The following CCPG1 variants were observed in gnomAD, a reference collection of about 807,000 sequenced individuals.
CCPG1 encodes the protein cell cycle progression protein 1.
A neutral mutation model predicts 81.3 loss-of-function variants in CCPG1; 46 were observed. The observed-to-expected ratio is 0.57, with a 90% CI of 0.45 to 0.72. The LOEUF (loss-of-function observed/expected upper bound fraction) is 0.72. CCPG1 is among the 30% of genes least tolerant of loss of function. The pLI, the probability that CCPG1 is intolerant of heterozygous loss-of-function variation, is 0.00. For synonymous variants in CCPG1, 330 were observed against 305.2 expected (o/e 1.08, Z -0.85); for missense variants, 902 against 937.6 (o/e 0.96, Z 0.50).
At chr15:55,366,028 G>C (rs1245093387) in intron 6 of CCPG1, among the ~76,000 whole-genome samples, 1 of 152,118 alleles carries the variant, frequency 6.6e-6, no homozygotes, top group Non-Finnish European at 1.5e-5. Context: ...ATATAAGTAA[G>C]GCCAAGTAGG....
At position 55,356,880 on chromosome 15, in the gene CCPG1, A is replaced by C. The variant is rs59563514; in HGVS notation, c.2235-471T>G. The C allele has an allele frequency of 2.1e-3, 2,030 of 985,992 alleles. 32 individuals carry two copies. In the African/African-American group the frequency reaches 0.033, roughly 16 times the overall value. The allele number at this position is 985,992 out of a possible 1,614,324, so 61.1% of individuals were successfully genotyped here. On this transcript the variant is annotated intron_variant, in intron 8 of 8. Transcript: ENST00000442196. Reference sequence around the variant, plus strand: ...ATGATCAGGCTTCCGTCACTACTTCACTGGAAGTCCATACTGTCATCCCCT... The same window carrying C: ...ATGATCAGGCTTCCGTCACTACTTCCCTGGAAGTCCATACTGTCATCCCCT...
At chr15:55,358,585 A>T (rs2056129500) in intron 8 of CCPG1, 1 of 985,246 alleles carries the variant, frequency 1.0e-6, no homozygotes, top group African/African-American at 1.7e-5. Flanking sequence ...TGCATAGCAA[A>T]TCCTCATTTC....
rs143340449 is a variant in CCPG1, at chr15:55,375,293, T to C, written c.454+1656A>G. On this transcript the variant is annotated intron_variant, in intron 5 of 8. Transcript: ENST00000442196. ...AACAGTATGTAGTTCCTTTTACGTC[T>C]ATGTCAGTTTCTTATATATCTGACC... 2.1e-3 allele frequency among the ~76,000 whole-genome samples: 316 copies of C among 152,336 alleles called. 1 individual carries two copies. The highest frequency in any genetic ancestry group is 7.3e-3 in the African/African-American group (304 of 41,580).
At chr15:55,398,936 T>C (rs58581371) in intron 1 of CCPG1, among the ~76,000 whole-genome samples, 26,964 of 152,106 alleles carry the variant, frequency 0.18, 4,120 homozygotes, top group African/African-American at 0.42. Flanking sequence ...ATATTTTAAA[T>C]GAGCCTATCC....
intron 2 of CCPG1, among the ~76,000 whole-genome samples, chr15:55,387,828 G>A (rs531986545): frequency 0.03 from 7 of 232 alleles, no homozygotes; most frequent in Admixed American, 0.17. Context: ...TTACAGGCGT[G>A]AGCACCACGC....
At chr15:55,379,018 A>C (rs1234243986) in intron 3 of CCPG1, among the ~76,000 whole-genome samples, 1 of 152,036 alleles carries the variant, frequency 6.6e-6, no homozygotes, top group African/African-American at 2.4e-5. Context: ...CTATCATTAG[A>C]TACCTAGTGA....
In CCPG1 at chr15:55,364,803, G is replaced by A. The variant is rs1348897198; in HGVS notation, c.828+385C>T. ...CACAAGAATCGCTTGAACCCAGGAGGTGGAAGTTGCAGCAACCTGAGGTTG... is the reference window on the plus strand; with the variant it reads ...CACAAGAATCGCTTGAACCCAGGAGATGGAAGTTGCAGCAACCTGAGGTTG... On this transcript the variant is annotated intron_variant, in intron 7 of 8. Coordinates refer to ENST00000442196, the MANE Select transcript of CCPG1 (RefSeq NM_001204450.2). 2.0e-5 allele frequency among the ~76,000 whole-genome samples: 3 copies of A among 151,270 alleles called. 1 individual carries two copies. The highest frequency in any genetic ancestry group is 4.0e-4 in the East Asian group (2 of 5,014).
intron 2 of CCPG1, among the ~76,000 whole-genome samples, 176 bp from the exon 3 acceptor site, chr15:55,385,890 G>A (rs888751919): frequency 1.2e-4 from 18 of 152,116 alleles, no homozygotes; most frequent in Non-Finnish European, 1.6e-4. Context: ...CCTATGGCAG[G>A]AAAATGGCAC....
At position 55,389,978 on chromosome 15, in the gene CCPG1, C is replaced by T. The variant is rs760869766; in HGVS notation, c.-9-545G>A. Among the ~76,000 whole-genome samples, 10 of 152,336 alleles carry T rather than the reference C, an allele frequency of 6.6e-5. No homozygotes were observed. In the East Asian group the frequency reaches 7.7e-4, roughly 12 times the overall value. On this transcript the variant is annotated intron_variant, in intron 1 of 8. Coordinates refer to ENST00000442196, the MANE Select transcript of CCPG1 (RefSeq NM_001204450.2). ...CTCGAGCTGTCGACCGGTTGGAGTG[C>T]GGTGGCACGATCTCGACTTGCTGCA...
At chr15:55,407,045 C>CCCCG (rs1555411250) in intron 1 of CCPG1, among the ~76,000 whole-genome samples, 1 of 133,620 alleles carries the variant, frequency 7.5e-6, no homozygotes, top group African/African-American at 3.5e-5. Context: ...AGACCCCCCC[C>CCCCG]CCCGCCCCGC....
At chr15:55,396,470 T>A (rs1014594841) in intron 1 of CCPG1, among the ~76,000 whole-genome samples, 3 of 152,220 alleles carry the variant, frequency 2.0e-5, no homozygotes, top group Non-Finnish European at 4.4e-5. Context: ...CCCTTGCAGG[T>A]TTCTCAAGTG....
chr15:55,357,355 G>T (rs2056102010), intron 8 of CCPG1: 2 of 985,132 alleles, frequency 2.0e-6, no homozygotes, highest in Non-Finnish European at 2.4e-6. Flanking sequence ...TACTAGTATA[G>T]TCCCAGTTTA....
intron 3 of CCPG1, among the ~76,000 whole-genome samples, chr15:55,382,075 A>C (rs770595056): frequency 3.3e-5 from 5 of 152,222 alleles, no homozygotes; most frequent in Non-Finnish European, 7.3e-5. Flanking sequence ...GTGAATTGTA[A>C]TATTTTTGCT....
intron 6 of CCPG1, among the ~76,000 whole-genome samples, chr15:55,366,241 T>C (rs2056324248): frequency 6.6e-6 from 1 of 152,194 alleles, no homozygotes; most frequent in Admixed American, 6.5e-5. Context: ...TCAGCCTCCC[T>C]TATACAGAGA....
chr15:55,402,929 CAG>C (rs2057153640), intron 1 of CCPG1, among the ~76,000 whole-genome samples: 1 of 152,212 alleles, frequency 6.6e-6, no homozygotes, highest in South Asian at 2.1e-4. Flanking sequence ...TTTGATGCAA[CAG>C]AGTGCAAAGT....
At chr15:55,397,171 G>C (rs992553960) in intron 1 of CCPG1, among the ~76,000 whole-genome samples, 1 of 151,536 alleles carries the variant, frequency 6.6e-6, no homozygotes, top group African/African-American at 2.4e-5. Context: ...CCGAGATGGC[G>C]CCACTGCACT....
intron 5 of CCPG1, 29 bp from the exon 6 acceptor site, chr15:55,372,073 A>T: frequency 6.3e-7 from 1 of 1,591,450 alleles, no homozygotes; most frequent in Non-Finnish European, 8.6e-7. Context: ...ACATTTAGCT[A>T]TTCAAAATCT....
At chr15:55,370,302 C>T (rs1227642237) in intron 6 of CCPG1, among the ~76,000 whole-genome samples, 2 of 151,978 alleles carry the variant, frequency 1.3e-5, no homozygotes, top group East Asian at 1.9e-4. Context: ...ACTAGCAAAA[C>T]GAAAAGTTAA....
intron 1 of CCPG1, among the ~76,000 whole-genome samples, chr15:55,400,606 A>C (rs189201473): frequency 1.3e-5 from 2 of 152,288 alleles, no homozygotes; most frequent in African/African-American, 4.8e-5. Flanking sequence ...GATATTGCTA[A>C]ATTGCTCTCC....
Sources: allele counts gnomAD v4.1 joint callset (sites outside exome capture counted in the v4.1 genomes callset), GRCh38; gene constraint gnomAD v4.1.1; transcripts MANE v1.5; gene names NCBI Gene and HGNC (gene_info 2026-07-23, HGNC 2026-07-21).